SFMBT2: variants seen among roughly 807,000 people sequenced by gnomAD.
SFMBT2 encodes Scm like with four mbt domains 2.
In SFMBT2, 38 loss-of-function variants were observed where a neutral mutation model predicts 110.1. The ratio of observed to expected loss-of-function variants is 0.35; its 90% CI spans 0.27 to 0.45. The LOEUF (loss-of-function observed/expected upper bound fraction) is 0.45. SFMBT2 is among the 20% of genes least tolerant of loss of function. SFMBT2 has a pLI of 1.00. For synonymous variants in SFMBT2, 425 were observed against 425.4 expected (o/e 1.00, Z 0.01); for missense variants, 1,011 against 1,094.9 (o/e 0.92, Z 1.08).
chr10:7,204,452 A>G, intron 12 of SFMBT2: 1 of 985,174 alleles, frequency 1.0e-6, no homozygotes, highest in South Asian at 4.7e-5. Context: ...AAAACCTGTT[A>G]TCTCTAAGGA....
intron 1 of SFMBT2, among the ~76,000 whole-genome samples, chr10:7,399,965 A>T: frequency 6.6e-6 from 1 of 152,216 alleles, no homozygotes; most frequent in East Asian, 1.9e-4. Context: ...AGATCACAAA[A>T]GCTTTCATCA....
intron 4 of SFMBT2, among the ~76,000 whole-genome samples, chr10:7,294,820 C>T (rs1262031583): frequency 6.6e-6 from 1 of 152,200 alleles, no homozygotes; most frequent in Non-Finnish European, 1.5e-5. Context: ...TTTCACTAAT[C>T]TGAAGCATAT....
At chr10:7,334,123 T>A (rs1448835346) in intron 4 of SFMBT2, among the ~76,000 whole-genome samples, 1 of 152,178 alleles carries the variant, frequency 6.6e-6, no homozygotes, top group Non-Finnish European at 1.5e-5. Context: ...CGACAACTCA[T>A]TGCTGACGAT....
At chr10:7,220,575 A>G in intron 10 of SFMBT2, 38 bp from the exon 11 acceptor site, 1 of 1,611,962 alleles carries the variant, frequency 6.2e-7, no homozygotes. Context: ...GCCAGTGCTG[A>G]CGCAGCAGGA....
chr10:7,386,341 G>T (rs188918711), intron 1 of SFMBT2, among the ~76,000 whole-genome samples: 5 of 152,286 alleles, frequency 3.3e-5, no homozygotes, highest in African/African-American at 1.2e-4. Context: ...GTGGGCCAGG[G>T]GAGTGGTTCG....
chr10:7,360,951 T>A (rs1301761896), intron 4 of SFMBT2, among the ~76,000 whole-genome samples: 2 of 152,262 alleles, frequency 1.3e-5, no homozygotes, highest in African/African-American at 4.8e-5. Context: ...ACTCACTTTT[T>A]AAAATATTTA....
intron 4 of SFMBT2, among the ~76,000 whole-genome samples, chr10:7,343,834 G>A (rs191737832): frequency 3.2e-4 from 48 of 152,248 alleles, no homozygotes; most frequent in Admixed American, 2.9e-3. Context: ...GGTTTGAGGG[G>A]GCAGAAAATG....
chr10:7,379,289 C>T (rs934790991), intron 2 of SFMBT2, among the ~76,000 whole-genome samples: 6 of 152,134 alleles, frequency 3.9e-5, no homozygotes, highest in Non-Finnish European at 4.4e-5. Context: ...CAAACCTGTC[C>T]CAGCTGGTCC....
intron 4 of SFMBT2, among the ~76,000 whole-genome samples, chr10:7,340,923 C>T (rs1234588178): frequency 6.6e-6 from 1 of 151,984 alleles, no homozygotes; most frequent in Non-Finnish European, 1.5e-5. Flanking sequence ...AAGAGCATGA[C>T]TTGATTTAAC....
intron 1 of SFMBT2, among the ~76,000 whole-genome samples, chr10:7,383,530 C>T (rs530687261): frequency 2.6e-4 from 39 of 152,328 alleles, no homozygotes; most frequent in Non-Finnish European, 4.1e-4. Flanking sequence ...ATACCAGACA[C>T]TGTGGAGAGG....
intron 7 of SFMBT2, among the ~76,000 whole-genome samples, chr10:7,248,874 T>C (rs907619364): frequency 1.3e-5 from 2 of 152,272 alleles, no homozygotes; most frequent in African/African-American, 2.4e-5. Flanking sequence ...TTCCTGGCCA[T>C]GCTTAAATTT....
intron 4 of SFMBT2, among the ~76,000 whole-genome samples, chr10:7,363,995 T>C (rs1320598670): frequency 6.6e-6 from 1 of 152,132 alleles, no homozygotes; most frequent in Non-Finnish European, 1.5e-5. Context: ...GGTTGCAGAA[T>C]TTACAATGAT....
In SFMBT2 at chr10:7,370,367, A is replaced by C. The variant is rs749128595; in HGVS notation, c.109T>G (p.Ser37Ala). 6.2e-7 allele frequency: 1 copy of C among 1,614,042 alleles called. No individual in the cohort carries two copies. The highest frequency in any genetic ancestry group is 8.5e-7 in the Non-Finnish European group (1 of 1,179,922). Residue 37 changes from serine (S) to alanine (A), a missense_variant, in exon 3 of 21, where the codon TCA becomes GCA. Transcript: ENST00000397167. ...GNGDLDSEEGSSLEETGFNWG... is the reference protein window; with the variant it reads ...GNGDLDSEEGASLEETGFNWG... ...TTAAAGCCAGTTTCCTCCAAGCTTG[A>C]GCCTTCTTCTGTTGAAAAACAAAAG...
intron 15 of SFMBT2, among the ~76,000 whole-genome samples, chr10:7,191,215 T>C (rs1357304747): frequency 1.3e-5 from 2 of 151,966 alleles, no homozygotes; most frequent in Non-Finnish European, 2.9e-5. Flanking sequence ...TTAAGAAGAG[T>C]CTACACTCAA....
In SFMBT2 at chr10:7,172,259, C is replaced by A; in HGVS notation, c.2152-101G>T. The A allele has an allele frequency of 1.4e-6, 2 of 1,468,888 alleles. No homozygotes were observed. The highest frequency in any genetic ancestry group is 1.8e-6 in the Non-Finnish European group (2 of 1,112,428). The allele number at this position is 1,468,888 out of a possible 1,614,324, so 91.0% of individuals were successfully genotyped here. On this transcript the variant is annotated intron_variant, in intron 18 of 20. Transcript: ENST00000397167. This position sits in a 1 kb window ranked among gnomAD's most constrained non-coding sequence, Gnocchi z 4.6. ...GGCCCAGTGCAGACCACCTAGCAAA[C>A]CCTCGGAAATGGAGCCAGTGGTCCC...
intron 1 of SFMBT2, among the ~76,000 whole-genome samples, chr10:7,407,036 G>A (rs1020022152): frequency 6.6e-6 from 1 of 152,174 alleles, no homozygotes; most frequent in African/African-American, 2.4e-5. Context: ...CTCTCTTGCA[G>A]GCAGGCAGCT....
intron 11 of SFMBT2, among the ~76,000 whole-genome samples, chr10:7,214,031 G>C (rs537228052): frequency 7.3e-5 from 10 of 136,368 alleles, no homozygotes; most frequent in African/African-American, 2.7e-4. Context: ...GCCACCCCAG[G>C]ACTGTGCAGA....
intron 9 of SFMBT2, among the ~76,000 whole-genome samples, chr10:7,233,161 C>T (rs913578044): frequency 6.6e-6 from 1 of 152,180 alleles, no homozygotes; most frequent in African/African-American, 2.4e-5. Context: ...TTGCTATCTA[C>T]CTGGCTGGCA....
intron 14 of SFMBT2, 111 bp downstream of exon 14, chr10:7,200,303 G>T (rs1838910301): frequency 1.2e-6 from 1 of 842,580 alleles, no homozygotes; most frequent in Non-Finnish European, 1.7e-6. Context: ...GAGAAAAACA[G>T]AATAGGCTCA....
Sources: gnomAD v4.1 joint callset for allele counts (sites outside exome capture counted in the v4.1 genomes callset) on GRCh38, gnomAD v4.1.1 for gene constraint, Gnocchi (gnomAD v3.1) non-coding constraint, MANE v1.5 for transcripts, NCBI Gene and HGNC (gene_info 2026-07-23, HGNC 2026-07-21) for gene names.